Variants in ADGRB3 observed in about 807,000 individuals in gnomAD.
ADGRB3 encodes the protein brain-specific angiogenesis inhibitor 3.
ADGRB3 carries 37 observed loss-of-function variants against 193.4 expected under a neutral mutation model. That is an observed-to-expected ratio of 0.19 (90% CI 0.15 to 0.25). The LOEUF is 0.25. ADGRB3 is among the 10% of genes least tolerant of loss of function. ADGRB3 has a pLI of 1.00. For synonymous variants in ADGRB3, 690 were observed against 644.2 expected (o/e 1.07, Z -1.08); for missense variants, 1,637 against 1,852.9 (o/e 0.88, Z 2.14).
chr6:69,244,951 T>C (rs1383037522), intron 20 of ADGRB3, among the ~76,000 whole-genome samples: 1 of 152,044 alleles, frequency 6.6e-6, no homozygotes, highest in African/African-American at 2.4e-5. Flanking sequence ...CTTCTCTTCA[T>C]ACCTTCATAT....
chr6:69,031,519 C>CTCTTTCTTTCTTTCTTTCTTTCTCTCTT (rs1770687366), intron 13 of ADGRB3, among the ~76,000 whole-genome samples: 5 of 21,270 alleles, frequency 2.4e-4, no homozygotes, highest in Admixed American at 1.2e-3. Flanking sequence ...TTTGAGTTGT[C>CTCTTTCTTTCTTTCTTTCTTTCTCTCTT]TCTTTCTTTC....
chr6:69,377,403 A>G (rs1382130920), intron 30 of ADGRB3, among the ~76,000 whole-genome samples: 1 of 152,050 alleles, frequency 6.6e-6, no homozygotes, highest in Non-Finnish European at 1.5e-5. Flanking sequence ...AAATTGGATC[A>G]TAGTAAGTAG....
At chr6:69,206,852 TA>T (rs1334081778) in intron 17 of ADGRB3, among the ~76,000 whole-genome samples, 3 of 152,190 alleles carry the variant, frequency 2.0e-5, no homozygotes, top group African/African-American at 7.2e-5. Context: ...AGGTTGTGAT[TA>T]TTTTTCCTGG....
chr6:68,979,431 A>G (rs1768843499), intron 10 of ADGRB3, among the ~76,000 whole-genome samples: 1 of 151,472 alleles, frequency 6.6e-6, no homozygotes, highest in Non-Finnish European at 1.5e-5. Context: ...ATTAGTTAAT[A>G]CTTATGAAGT....
chr6:69,053,547 G>GT (rs1264314929), intron 15 of ADGRB3, among the ~76,000 whole-genome samples: 1 of 152,200 alleles, frequency 6.6e-6, no homozygotes, highest in African/African-American at 2.4e-5. Flanking sequence ...GGCTGGCCTG[G>GT]TGGCCCCAGC....
rs543114761 is a variant in ADGRB3, at chr6:68,741,239, C to A, written c.757+101807C>A. 2.0e-5 allele frequency among the ~76,000 whole-genome samples: 3 copies of A among 152,234 alleles called. No individual in the cohort carries two copies. In the South Asian group the frequency reaches 6.2e-4, roughly 32 times the overall value. On this transcript the variant is annotated intron_variant, in intron 3 of 31. Coordinates refer to ENST00000370598, the MANE Select transcript of ADGRB3 (RefSeq NM_001704.3). ...TCTCATGAAACTACCACAACAAAAA[C>A]TATTTTTATCCACATCTTACAGATT...
At chr6:68,785,785 T>A (rs887628067) in intron 3 of ADGRB3, among the ~76,000 whole-genome samples, 44 of 152,100 alleles carry the variant, frequency 2.9e-4, no homozygotes, top group Admixed American at 2.8e-3. Context: ...AGCATAAAAG[T>A]GTTCCTATAT....
intron 17 of ADGRB3, among the ~76,000 whole-genome samples, chr6:69,085,237 T>C (rs1240062278): frequency 6.6e-6 from 1 of 152,112 alleles, no homozygotes; most frequent in Non-Finnish European, 1.5e-5. Context: ...TGAAAGTATT[T>C]ACTTAAACAA....
intron 17 of ADGRB3, among the ~76,000 whole-genome samples, chr6:69,148,651 T>C (rs1182324456): frequency 6.6e-6 from 1 of 152,202 alleles, no homozygotes; most frequent in Non-Finnish European, 1.5e-5. Context: ...AGATGATTTC[T>C]TCCTACTGAT....
chr6:69,205,116 A>G (rs1367595639), intron 17 of ADGRB3, among the ~76,000 whole-genome samples: 2 of 152,232 alleles, frequency 1.3e-5, no homozygotes, highest in African/African-American at 2.4e-5. Flanking sequence ...AAGCTTCATT[A>G]AAATAGAACT....
chr6:68,764,980 A>T (rs1766481984), intron 3 of ADGRB3, among the ~76,000 whole-genome samples: 1 of 152,164 alleles, frequency 6.6e-6, no homozygotes, highest in African/African-American at 2.4e-5. Context: ...TTGATTTGGT[A>T]ACTGCTGATA....
chr6:68,842,129 A>C (rs556078143), intron 3 of ADGRB3, among the ~76,000 whole-genome samples: 1 of 151,994 alleles, frequency 6.6e-6, no homozygotes, highest in African/African-American at 2.4e-5. Context: ...TTCATTTAAC[A>C]TATAACTATA....
intron 15 of ADGRB3, among the ~76,000 whole-genome samples, chr6:69,054,581 A>T (rs556400293): frequency 6.6e-6 from 1 of 152,294 alleles, no homozygotes; most frequent in South Asian, 2.1e-4. Context: ...AACATTAGAA[A>T]TTTAAATTAT....
intron 3 of ADGRB3, among the ~76,000 whole-genome samples, chr6:68,867,157 C>T (rs1221210448): frequency 2.6e-5 from 4 of 152,160 alleles, no homozygotes; most frequent in Admixed American, 2.0e-4. Flanking sequence ...CCATCACAGA[C>T]CTGGAGGCCT....
chr6:68,951,291 G>T (rs1206209080), intron 6 of ADGRB3, among the ~76,000 whole-genome samples: 1 of 152,112 alleles, frequency 6.6e-6, no homozygotes, highest in Non-Finnish European at 1.5e-5. Flanking sequence ...GGAGGCTTTG[G>T]GGAGGTGGAA....
intron 20 of ADGRB3, among the ~76,000 whole-genome samples, chr6:69,248,845 C>A (rs1766552685): frequency 1.3e-5 from 2 of 152,202 alleles, no homozygotes; most frequent in Non-Finnish European, 2.9e-5. Flanking sequence ...GTAAAAATAA[C>A]CTCCAGTTCT....
intron 15 of ADGRB3, among the ~76,000 whole-genome samples, chr6:69,062,285 T>C (rs1220432193): frequency 6.6e-6 from 1 of 151,934 alleles, no homozygotes; most frequent in African/African-American, 2.4e-5. Context: ...GATATGATTT[T>C]CTTAAAATAA....
At chr6:68,792,281 A>G (rs1022360887) in intron 3 of ADGRB3, among the ~76,000 whole-genome samples, 4 of 152,224 alleles carry the variant, frequency 2.6e-5, no homozygotes, top group African/African-American at 9.6e-5. Context: ...CTGAGGAACT[A>G]GCATGACACT....
At chr6:69,018,567 C>T (rs1290130568) in intron 13 of ADGRB3, 68 bp downstream of exon 13, 10 of 944,552 alleles carry the variant, frequency 1.1e-5, no homozygotes, top group Admixed American at 2.1e-5. Context: ...CTACACCATA[C>T]GTTTCCAAGT....
Sources: gnomAD v4.1 joint callset for allele counts (sites outside exome capture counted in the v4.1 genomes callset) on GRCh38, gnomAD v4.1.1 for gene constraint, MANE v1.5 for transcripts, NCBI Gene and HGNC (gene_info 2026-07-23, HGNC 2026-07-21) for gene names.